Variants in AGBL4 observed in about 807,000 individuals in gnomAD.
The protein encoded by AGBL4 is cytosolic carboxypeptidase 6.
In AGBL4, 58 loss-of-function variants were observed where a neutral mutation model predicts 66.4. That is an observed-to-expected ratio of 0.87 (90% CI 0.71 to 1.09). The LOEUF (loss-of-function observed/expected upper bound fraction) is 1.09. AGBL4 is among the 50% of genes least tolerant of loss of function. AGBL4 has a pLI of 0.00. For missense variants in AGBL4, 579 were observed against 631.0 expected, an observed-to-expected ratio of 0.92 and a Z score of 0.88; for synonymous variants, 234 against 222.9, an observed-to-expected ratio of 1.05 and a Z score of -0.44.
chr1:49,576,636 C>G (rs1259345150), intron 3 of AGBL4, among the ~76,000 whole-genome samples: 2 of 152,176 alleles, frequency 1.3e-5, no homozygotes, highest in Non-Finnish European at 1.5e-5. Flanking sequence ...GGGTCATGCA[C>G]AGCAGCGTTC....
chr1:48,782,952 C>T (rs1406691852), intron 6 of AGBL4, among the ~76,000 whole-genome samples: 3 of 152,178 alleles, frequency 2.0e-5, no homozygotes, highest in Non-Finnish European at 4.4e-5. Context: ...ACCCTTGCAA[C>T]CACTGATCTT....
At chr1:48,990,831 A>G (rs1293007089) in intron 5 of AGBL4, among the ~76,000 whole-genome samples, 1 of 152,184 alleles carries the variant, frequency 6.6e-6, no homozygotes, top group African/African-American at 2.4e-5. Context: ...GATTGCATAA[A>G]CAAACTAACA....
chr1:49,177,742 G>A (rs1646858368), intron 4 of AGBL4, among the ~76,000 whole-genome samples: 2 of 152,174 alleles, frequency 1.3e-5, no homozygotes, highest in East Asian at 1.9e-4. Flanking sequence ...GTAATCATAT[G>A]GCAGGGGTCA....
At chr1:49,543,869 C>A (rs1652266276) in intron 3 of AGBL4, among the ~76,000 whole-genome samples, 1 of 152,104 alleles carries the variant, frequency 6.6e-6, no homozygotes, top group African/African-American at 2.4e-5. Flanking sequence ...TGTTGTTTCA[C>A]AAAAGTGGTA....
chr1:49,176,086 T>C (rs538413891), intron 4 of AGBL4, among the ~76,000 whole-genome samples: 1 of 152,226 alleles, frequency 6.6e-6, no homozygotes, highest in South Asian at 2.1e-4. Flanking sequence ...ACTCTGTAGG[T>C]ACATAGTTAA....
intron 3 of AGBL4, 46 bp downstream of exon 3, chr1:49,697,267 T>C (rs1388844762): frequency 6.6e-7 from 1 of 1,504,214 alleles, no homozygotes; most frequent in South Asian, 1.3e-5. Flanking sequence ...CAAAAGCATA[T>C]TATTCTTACC....
intron 4 of AGBL4, among the ~76,000 whole-genome samples, chr1:49,158,049 T>C (rs546471335): frequency 3.3e-5 from 5 of 152,314 alleles, no homozygotes; most frequent in African/African-American, 9.6e-5. Flanking sequence ...ACTCTAATGA[T>C]AGTTTCTTTT....
intron 1 of AGBL4, among the ~76,000 whole-genome samples, chr1:49,906,295 C>T (rs1272276072): frequency 6.6e-6 from 1 of 152,014 alleles, no homozygotes; most frequent in Non-Finnish European, 1.5e-5. Context: ...ATCATTTATA[C>T]ATGCAAAAAT....
chr1:49,187,829 A>G (rs1260705948), intron 4 of AGBL4, among the ~76,000 whole-genome samples: 8 of 152,088 alleles, frequency 5.3e-5, no homozygotes, highest in African/African-American at 1.7e-4. Flanking sequence ...ACCCCTTGAT[A>G]TGGTTTGGCT....
At chr1:49,966,301 G>T (rs189954506) in intron 1 of AGBL4, among the ~76,000 whole-genome samples, 7 of 152,044 alleles carry the variant, frequency 4.6e-5, no homozygotes, top group Non-Finnish European at 1.0e-4. Context: ...TAAGCAGAGA[G>T]TTATATTGTT....
chr1:48,689,926 C>A (rs1036187499), intron 6 of AGBL4, among the ~76,000 whole-genome samples: 2 of 152,220 alleles, frequency 1.3e-5, no homozygotes, highest in Admixed American at 1.3e-4. Context: ...AGCAAAATCA[C>A]TCCTGTTGTG....
At chr1:48,650,804 C>CTATT (rs1196174658) in intron 8 of AGBL4, among the ~76,000 whole-genome samples, 1 of 152,164 alleles carries the variant, frequency 6.6e-6, no homozygotes, top group Non-Finnish European at 1.5e-5. Context: ...ACACTGAGTA[C>CTATT]TATTTCCCCT....
intron 3 of AGBL4, among the ~76,000 whole-genome samples, chr1:49,603,113 T>C (rs893169132): frequency 6.6e-6 from 1 of 152,122 alleles, no homozygotes; most frequent in Non-Finnish European, 1.5e-5. Flanking sequence ...GCTAAGCCTT[T>C]CAAACCCCTG....
intron 5 of AGBL4, among the ~76,000 whole-genome samples, chr1:48,997,066 G>T (rs913833771): frequency 2.6e-5 from 4 of 151,998 alleles, no homozygotes; most frequent in African/African-American, 9.7e-5. Context: ...GTGATTACAG[G>T]TGCCCGCCAC....
chr1:49,714,059 G>A (rs190696836), intron 2 of AGBL4, among the ~76,000 whole-genome samples: 1 of 152,142 alleles, frequency 6.6e-6, no homozygotes, highest in African/African-American at 2.4e-5. Context: ...TCATGACTAT[G>A]CCAAGACGTA....
chr1:49,951,320 G>T (rs895086015), intron 1 of AGBL4, among the ~76,000 whole-genome samples: 6 of 151,822 alleles, frequency 4.0e-5, no homozygotes, highest in African/African-American at 1.5e-4. Flanking sequence ...CCTGAAAAAT[G>T]GAAACAGGAA....
At chr1:49,313,797 T>C (rs1644985925) in intron 3 of AGBL4, among the ~76,000 whole-genome samples, 1 of 152,154 alleles carries the variant, frequency 6.6e-6, no homozygotes, top group African/African-American at 2.4e-5. Flanking sequence ...ATTGCAAAAA[T>C]TTTCTCCCAT....
At chr1:49,824,870 T>C (rs1324106099) in intron 2 of AGBL4, among the ~76,000 whole-genome samples, 1 of 152,222 alleles carries the variant, frequency 6.6e-6, no homozygotes, top group African/African-American at 2.4e-5. Flanking sequence ...GGGCTTCATT[T>C]CATAAACAAT....
At chr1:49,347,149 T>C (rs1215364446) in intron 3 of AGBL4, among the ~76,000 whole-genome samples, 3 of 152,174 alleles carry the variant, frequency 2.0e-5, no homozygotes, top group African/African-American at 7.2e-5. Flanking sequence ...TGTTATCTTC[T>C]ATATAAACAA....
Sources: allele counts gnomAD v4.1 joint callset (sites outside exome capture counted in the v4.1 genomes callset), GRCh38; gene constraint gnomAD v4.1.1; transcripts MANE v1.5; gene names NCBI Gene and HGNC (gene_info 2026-07-23, HGNC 2026-07-21).